Variants in ANK3 observed in about 807,000 individuals in gnomAD.
The protein encoded by ANK3 is ankyrin 3, also known as ankyrin-3.
A neutral mutation model predicts 370.9 loss-of-function variants in ANK3; 57 were observed. The observed-to-expected ratio is 0.15, with a 90% CI of 0.12 to 0.19. The LOEUF (loss-of-function observed/expected upper bound fraction) is 0.19, where lower values mean the gene tolerates loss of function less well. Ranked by LOEUF, ANK3 falls within the 10% of genes least tolerant of loss-of-function variation. ANK3 has a pLI of 1.00. For missense variants in ANK3, 4,439 were observed against 5,302.1 expected (o/e 0.84, Z 5.06); for synonymous variants, 1,929 against 1,946.3 (o/e 0.99, Z 0.23).
intron 2 of ANK3, among the ~76,000 whole-genome samples, chr10:60,614,495 G>T (rs1272957426): frequency 4.6e-5 from 7 of 152,146 alleles, no homozygotes; most frequent in African/African-American, 1.7e-4. Context: ...ACCTGACCCT[G>T]CTGGTTGAAA....
intron 2 of ANK3, among the ~76,000 whole-genome samples, chr10:60,458,030 T>A (rs1310450333): frequency 6.6e-6 from 1 of 152,070 alleles, no homozygotes; most frequent in Non-Finnish European, 1.5e-5. Context: ...ACCCTTTTTA[T>A]AAGGAATAAA....
chr10:60,064,665 A>G (rs2081259105), intron 38 of ANK3, among the ~76,000 whole-genome samples: 1 of 131,386 alleles, frequency 7.6e-6, no homozygotes, highest in African/African-American at 3.1e-5. Context: ...CGGTCTCCAT[A>G]CACACAGCAA....
At chr10:60,201,184 T>C (rs374497652) in intron 12 of ANK3, among the ~76,000 whole-genome samples, 2 of 152,234 alleles carry the variant, frequency 1.3e-5, no homozygotes, top group African/African-American at 2.4e-5. Context: ...AGGATGTCAT[T>C]TAGTATATTA....
intron 1 of ANK3, among the ~76,000 whole-genome samples, chr10:60,682,811 G>A (rs1230331228): frequency 6.6e-6 from 1 of 152,206 alleles, no homozygotes; most frequent in Non-Finnish European, 1.5e-5. Context: ...GTTTCCATCT[G>A]TATCTTTTGT....
chr10:60,088,420 C>A, intron 28 of ANK3, 62 bp from the exon 29 acceptor site: 1 of 1,404,422 alleles, frequency 7.1e-7, no homozygotes. Context: ...TACCTTAAGT[C>A]AAAATGATAT....
At chr10:60,419,636 C>A (rs1027569369) in intron 2 of ANK3, among the ~76,000 whole-genome samples, 1 of 152,152 alleles carries the variant, frequency 6.6e-6, no homozygotes, top group African/African-American at 2.4e-5. Context: ...GCCCTCTTGG[C>A]CTGTTACATT....
chr10:60,547,720 G>T (rs61855348), intron 2 of ANK3, among the ~76,000 whole-genome samples: 13,262 of 151,778 alleles, frequency 0.087, 1,135 homozygotes, highest in East Asian at 0.31. Flanking sequence ...GAGAAGGGGC[G>T]GGAGGTGGGG....
intron 2 of ANK3, among the ~76,000 whole-genome samples, chr10:60,419,937 T>C (rs2063744610): frequency 1.3e-5 from 2 of 152,184 alleles, no homozygotes; most frequent in South Asian, 4.1e-4. Flanking sequence ...TCATTACCTT[T>C]GTTTTCCTGT....
At chr10:60,231,403 C>T (rs758760282) in intron 8 of ANK3, among the ~76,000 whole-genome samples, 1 of 152,176 alleles carries the variant, frequency 6.6e-6, no homozygotes, top group Non-Finnish European at 1.5e-5. Flanking sequence ...GCTTTCCTGC[C>T]TCTAAAACAC....
At chr10:60,038,938 G>A (rs79056593) in intron 43 of ANK3, among the ~76,000 whole-genome samples, 2,128 of 152,218 alleles carry the variant, frequency 0.014, 46 homozygotes, top group African/African-American at 0.049. Context: ...CCACTGATGA[G>A]GTCTTAGCTT....
intron 4 of ANK3, among the ~76,000 whole-genome samples, chr10:60,271,232 TAATA>T (rs1566138421): frequency 6.6e-6 from 1 of 151,946 alleles, no homozygotes; most frequent in African/African-American, 2.4e-5. Context: ...TGTATCAAAA[TAATA>T]ATAATAATAA....
At chr10:60,272,831 A>T (rs1486249092) in intron 4 of ANK3, among the ~76,000 whole-genome samples, 1 of 152,090 alleles carries the variant, frequency 6.6e-6, no homozygotes, top group East Asian at 1.9e-4. Flanking sequence ...AATATCAACA[A>T]GATATTTATG....
At position 60,076,279 on chromosome 10, in the gene ANK3, A is replaced by G. The variant is rs199553709; in HGVS notation, c.4602T>C (p.Ala1534=). 1.2e-5 allele frequency: 19 copies of G among 1,614,148 alleles called. No homozygotes were observed. The highest frequency in any genetic ancestry group is 1.7e-5 in the Admixed American group (1 of 60,018). The change falls in exon 37 of 44, where the codon GCT becomes GCC. Residue 1534 remains alanine, a synonymous_variant. Coordinates refer to ENST00000280772, the MANE Select transcript of ANK3 (RefSeq NM_020987.5). ...LSSSSSNTPS[A]SPLKSIWSVS... ...CAGACCATATTGATTTTAACGGAGA[A>G]GCTGATGGCGTATTAGAGGAAGAAC...
Position 60,082,654 on chromosome 10 carries a change from C to T in ANK3, c.4284G>A (p.Ala1428=), listed in dbSNP as rs755020325. The change falls in exon 34 of 44, where the codon GCG becomes GCA. Residue 1428 remains alanine, a synonymous_variant. Transcript: ENST00000280772. ...PKTTKGLPQT[A]VCNLNITLPA... ...GCAGAGTGATATTTAAGTTGCAAAC[C>T]GCTGTTTGAGGCAGTCCTTTTGTTG... is the stretch of plus-strand genomic sequence containing the variant. 1.5e-5 allele frequency: 24 copies of T among 1,613,832 alleles called. No individual in the cohort carries two copies. The highest frequency in any genetic ancestry group is 8.8e-5 in the South Asian group (8 of 91,072).
At chr10:60,281,868 T>C (rs185665340) in intron 1 of ANK3, among the ~76,000 whole-genome samples, 1 of 152,252 alleles carries the variant, frequency 6.6e-6, no homozygotes, top group East Asian at 1.9e-4. Context: ...GAGATAAGCA[T>C]GAAAATCATT....
chr10:60,671,970 T>C lies in ANK3; in HGVS notation c.58-56746A>G, dbSNP rs541003566. 5.9e-5 allele frequency among the ~76,000 whole-genome samples: 9 copies of C among 152,324 alleles called. No homozygotes were observed. The South Asian group carries it at 1.7e-3, about 28-fold the overall frequency. On this transcript the variant is annotated intron_variant, in intron 1 of 43. Transcript: ENST00000373827. ...AGCTGACATCTTGGCAGCAACTTAG[T>C]GAGAGATCATGAATCGGAAACCCCT...
chr10:60,709,784 C>T (rs1015305566), intron 1 of ANK3, among the ~76,000 whole-genome samples: 1 of 149,790 alleles, frequency 6.7e-6, no homozygotes. Context: ...GCCATGATTG[C>T]GCCACTACAC....
rs1412273121 is a variant in ANK3, at chr10:60,261,807, T to C, written c.798+52A>G. On this transcript the variant is annotated intron_variant, in intron 7 of 43. Transcript: ENST00000280772. Reference sequence around the variant, plus strand: ...ACATCCTCATGTTGGGGAAAGAGAGTATAAAATAGTTGCAAATGCTTTAAA... The same window carrying C: ...ACATCCTCATGTTGGGGAAAGAGAGCATAAAATAGTTGCAAATGCTTTAAA... 3 of 1,503,502 alleles carry C rather than the reference T, an allele frequency of 2.0e-6. No individual in the cohort carries two copies. The African/African-American group carries it at 4.1e-5, about 21-fold the overall frequency. The allele number at this position is 1,503,502 out of a possible 1,614,324, so 93.1% of individuals were successfully genotyped here. A position where few individuals can be genotyped will look rare whatever the true frequency, so the allele number is the denominator to read the frequency against.
intron 26 of ANK3, among the ~76,000 whole-genome samples, chr10:60,110,086 T>C (rs1231712466): frequency 2.0e-5 from 3 of 152,174 alleles, no homozygotes; most frequent in South Asian, 4.2e-4. Context: ...AATTAGAAAA[T>C]TGTCGGAATT....
Sources: allele counts gnomAD v4.1 joint callset (sites outside exome capture counted in the v4.1 genomes callset), GRCh38; gene constraint gnomAD v4.1.1; transcripts MANE v1.5; gene names NCBI Gene and HGNC (gene_info 2026-07-23, HGNC 2026-07-21).